HSDL2: variants seen among roughly 807,000 people sequenced by gnomAD.
The protein encoded by HSDL2 is hydroxysteroid dehydrogenase-like protein 2.
HSDL2 carries 27 observed loss-of-function variants against 46.3 expected under a neutral mutation model. The ratio of observed to expected loss-of-function variants is 0.58; its 90% CI spans 0.43 to 0.80. The LOEUF is 0.80. HSDL2 is among the 30% of genes least tolerant of loss of function. The pLI, the probability that HSDL2 is intolerant of heterozygous loss-of-function variation, is 0.00. For synonymous variants in HSDL2, 153 were observed against 163.6 expected (o/e 0.94, Z 0.50); for missense variants, 451 against 502.7 (o/e 0.90, Z 0.98).
At chr9:112,442,819 T>C (rs1259336641) in intron 8 of HSDL2, among the ~76,000 whole-genome samples, 1 of 152,168 alleles carries the variant, frequency 6.6e-6, no homozygotes, top group Admixed American at 6.5e-5. Flanking sequence ...CTGTGGCACC[T>C]TACTGCAATG....
At chr9:112,419,002 G>A (rs769280311) in intron 6 of HSDL2, 44 bp downstream of exon 6, 15 of 984,588 alleles carry the variant, frequency 1.5e-5, no homozygotes, top group East Asian at 8.0e-5. Flanking sequence ...TTCATGTATT[G>A]TCCTTGACAC....
At chr9:112,459,836 G>A (rs889474192) in intron 10 of HSDL2, among the ~76,000 whole-genome samples, 9 of 152,172 alleles carry the variant, frequency 5.9e-5, no homozygotes, top group African/African-American at 2.2e-4. Flanking sequence ...ATAATTCAAA[G>A]GGACTCCTGG....
chr9:112,413,950 G>A, intron 4 of HSDL2: 1 of 210,318 alleles, frequency 4.8e-6, no homozygotes, highest in Non-Finnish European at 9.6e-6. Flanking sequence ...GTCCCGGTTG[G>A]CTAGCAACTT....
chr9:112,466,798 T>C (rs1833404317), intron 10 of HSDL2, among the ~76,000 whole-genome samples: 1 of 152,238 alleles, frequency 6.6e-6, no homozygotes. Context: ...TCTAAGAGTT[T>C]TGAGTTTTAC....
intron 1 of HSDL2, among the ~76,000 whole-genome samples, chr9:112,389,038 T>G (rs889935699): frequency 1.3e-5 from 2 of 152,090 alleles, no homozygotes; most frequent in Non-Finnish European, 1.5e-5. Context: ...TTTTTTTTTT[T>G]TCTTTTTGAG....
At chr9:112,467,490 C>T (rs1206783200) in intron 10 of HSDL2, among the ~76,000 whole-genome samples, 4 of 152,102 alleles carry the variant, frequency 2.6e-5, no homozygotes, top group South Asian at 2.1e-4. Flanking sequence ...CCACGTGTTG[C>T]GTGGTGGTAC....
intron 1 of HSDL2, among the ~76,000 whole-genome samples, chr9:112,388,566 A>G (rs1831269317): frequency 6.6e-6 from 1 of 150,880 alleles, no homozygotes; most frequent in Admixed American, 6.6e-5. Context: ...GTCCAAGACC[A>G]TGGTGAAACC....
chr9:112,386,871 C>T (rs1384940470), intron 1 of HSDL2, among the ~76,000 whole-genome samples: 1 of 152,084 alleles, frequency 6.6e-6, no homozygotes, highest in Non-Finnish European at 1.5e-5. Context: ...TTCAAAATCC[C>T]AGATATGGAC....
rs1833580160 is a variant in HSDL2 at position 112,471,689 on chromosome 9, GC to G, written c.*1151del. The G allele has an allele frequency of 6.6e-6, 1 of 152,070 alleles. No homozygotes were observed. Among genetic ancestry groups the G allele is most frequent in the Non-Finnish European group, 1.5e-5 (1 of 68,064 alleles). 9.4% of individuals were successfully genotyped at this position (152,070 alleles called of 1,614,324 possible). A position where few individuals can be genotyped will look rare whatever the true frequency, so the allele number is the denominator to read the frequency against. ...CCCCCCTAATAAATTAATTTAAAAA[GC>G]CCCCCAATCTGTGGTATTTTATTAT... On this transcript the variant is annotated 3_prime_UTR_variant, in exon 11 of 11. Coordinates refer to ENST00000398805, the MANE Select transcript of HSDL2 (RefSeq NM_032303.5).
intron 4 of HSDL2, chr9:112,413,929 G>A (rs147763026): frequency 0.012 from 2,228 of 189,588 alleles, 65 homozygotes; most frequent in African/African-American, 0.05. Context: ...GGGACCTGAC[G>A]TTCTGTATTT....
At chr9:112,405,602 C>T (rs1370120543) in intron 2 of HSDL2, 22 bp from the exon 3 acceptor site, 3 of 1,522,540 alleles carry the variant, frequency 2.0e-6, no homozygotes, top group Admixed American at 1.9e-5. Context: ...AACGCTTTTT[C>T]ATTTTGTATC....
chr9:112,409,379 C>T (rs886334186), intron 4 of HSDL2, among the ~76,000 whole-genome samples: 2 of 151,860 alleles, frequency 1.3e-5, no homozygotes, highest in African/African-American at 4.8e-5. Context: ...TTAGTAGAGA[C>T]AGGGTTTTAC....
chr9:112,380,131 T>C lies in HSDL2; in HGVS notation c.-33T>C. The C allele has an allele frequency of 1.3e-6, 2 of 1,555,840 alleles. No individual in the cohort carries two copies. The highest frequency in any genetic ancestry group is 1.4e-5 in the African/African-American group (1 of 73,444). ...TTAGCTCTCTGCTCGCCGCCGCCGCTGTCGCCGCCACCTCCTCTGATCTAC... is the reference window on the plus strand; with the variant it reads ...TTAGCTCTCTGCTCGCCGCCGCCGCCGTCGCCGCCACCTCCTCTGATCTAC... On this transcript the variant is annotated 5_prime_UTR_variant, in exon 1 of 11. Coordinates refer to ENST00000398805, the MANE Select transcript of HSDL2 (RefSeq NM_032303.5).
At chr9:112,398,236 A>T (rs1403025624) in intron 1 of HSDL2, among the ~76,000 whole-genome samples, 1 of 151,984 alleles carries the variant, frequency 6.6e-6, no homozygotes, top group Non-Finnish European at 1.5e-5. Context: ...GGTTGAATGG[A>T]TGGCAAAGTG....
At chr9:112,392,361 G>A (rs116976478) in intron 1 of HSDL2, among the ~76,000 whole-genome samples, 317 of 152,290 alleles carry the variant, frequency 2.1e-3, no homozygotes, top group Non-Finnish European at 3.3e-3. Flanking sequence ...TTTGAGAGCA[G>A]AGAACCGGTT....
intron 6 of HSDL2, 59 bp downstream of exon 6, chr9:112,419,017 T>G (rs976427383): frequency 1.4e-5 from 13 of 915,986 alleles, no homozygotes; most frequent in Non-Finnish European, 3.5e-6. Flanking sequence ...TGACACTTAT[T>G]ATTATTTTTT....
chr9:112,416,181 G>A (rs1206887026), intron 4 of HSDL2, among the ~76,000 whole-genome samples: 3 of 151,796 alleles, frequency 2.0e-5, no homozygotes, highest in Admixed American at 1.3e-4. Flanking sequence ...AGGCTGAGGC[G>A]GGTAGATCGC....
At chr9:112,444,686 T>G (rs1222175426) in intron 8 of HSDL2, among the ~76,000 whole-genome samples, 1 of 151,518 alleles carries the variant, frequency 6.6e-6, no homozygotes, top group Admixed American at 6.6e-5. Context: ...TGTAATGAGC[T>G]ATGATCAAGC....
intron 1 of HSDL2, among the ~76,000 whole-genome samples, chr9:112,387,669 GGGAA>G (rs1831246839): frequency 6.6e-6 from 1 of 152,190 alleles, no homozygotes; most frequent in African/African-American, 2.4e-5. Flanking sequence ...TTGGTTGCAA[GGGAA>G]GGAATAGTAA....
Sources: gnomAD v4.1 joint callset for allele counts (sites outside exome capture counted in the v4.1 genomes callset) on GRCh38, gnomAD v4.1.1 for gene constraint, MANE v1.5 for transcripts, NCBI Gene and HGNC (gene_info 2026-07-23, HGNC 2026-07-21) for gene names.